Variants in WDPCP observed in about 807,000 individuals in gnomAD.
WDPCP encodes the protein WD repeat-containing and planar cell polarity effector protein fritz homolog.
In WDPCP, 71 loss-of-function variants were observed where a neutral mutation model predicts 93.1. That is an observed-to-expected ratio of 0.76 (90% confidence interval 0.63 to 0.93). WDPCP has a LOEUF of 0.93. WDPCP is among the 40% of genes least tolerant of loss of function. WDPCP has a pLI of 0.00. For synonymous variants in WDPCP, 315 were observed against 315.0 expected, an observed-to-expected ratio of 1.00 and a Z score of 0.00; for missense variants, 844 against 887.4, an observed-to-expected ratio of 0.95 and a Z score of 0.62.
chr2:63,463,055 T>C (rs1699123113), intron 6 of WDPCP, among the ~76,000 whole-genome samples: 1 of 151,384 alleles, frequency 6.6e-6, no homozygotes, highest in South Asian at 2.1e-4. Flanking sequence ...GGAGAGCAGA[T>C]GGTTCAGAAT....
intron 3 of WDPCP, among the ~76,000 whole-genome samples, chr2:63,635,805 A>G (rs915805907): frequency 9.9e-5 from 15 of 152,276 alleles, no homozygotes; most frequent in African/African-American, 3.6e-4. Flanking sequence ...AAGACAGACA[A>G]GGATGTCCTC....
chr2:63,485,533 C>T (rs574897879), intron 4 of WDPCP, among the ~76,000 whole-genome samples: 2 of 151,770 alleles, frequency 1.3e-5, no homozygotes, highest in East Asian at 1.9e-4. Flanking sequence ...ACAAATTAGG[C>T]CCTAATAGTG....
chr2:63,660,236 TGGGACTCAA>T (rs1710212220), intron 2 of WDPCP, among the ~76,000 whole-genome samples: 1 of 152,188 alleles, frequency 6.6e-6, no homozygotes, highest in Non-Finnish European at 1.5e-5. Context: ...ATTTCTAAGT[TGGGACTCAA>T]GGTCAAAGTC....
At chr2:63,308,277 G>A (rs556229722) in intron 13 of WDPCP, among the ~76,000 whole-genome samples, 34 of 152,262 alleles carry the variant, frequency 2.2e-4, no homozygotes, top group Non-Finnish European at 3.2e-4. Flanking sequence ...AAATAGAAAC[G>A]TTTTAACGCT....
chr2:63,175,519 C>A (rs1405557982), intron 14 of WDPCP, among the ~76,000 whole-genome samples: 1 of 152,120 alleles, frequency 6.6e-6, no homozygotes, highest in Non-Finnish European at 1.5e-5. Flanking sequence ...AGTGTATTCA[C>A]ATTGTTGTGA....
At chr2:63,775,238 A>G (rs1299768141) in intron 2 of WDPCP, among the ~76,000 whole-genome samples, 2 of 152,084 alleles carry the variant, frequency 1.3e-5, no homozygotes, top group Middle Eastern at 3.2e-3. Context: ...TCTTAAGTAC[A>G]CTCTTGCATC....
At chr2:63,532,024 G>C (rs1182307025) in intron 1 of WDPCP, among the ~76,000 whole-genome samples, 1 of 152,164 alleles carries the variant, frequency 6.6e-6, no homozygotes, top group East Asian at 1.9e-4. Context: ...TAAATGACCT[G>C]ATGGGGCTGA....
intron 10 of WDPCP, among the ~76,000 whole-genome samples, chr2:63,396,141 A>C (rs1693707422): frequency 6.6e-6 from 1 of 152,196 alleles, no homozygotes; most frequent in African/African-American, 2.4e-5. Context: ...GCCTGTCTAG[A>C]ATAAAAGTTC....
At position 63,453,837 on chromosome 2, in the gene WDPCP, C is replaced by T. The variant is rs552519804; in HGVS notation, c.385-13966G>A. ...GAAACCATCATTCTCAGCAAACTAT[C>T]GCAAGGACAAAAAACCAAACACTGC... On this transcript the variant is annotated intron_variant, in intron 6 of 17. Coordinates refer to ENST00000272321, the MANE Select transcript of WDPCP (RefSeq NM_015910.7). 6.0e-4 allele frequency among the ~76,000 whole-genome samples: 90 copies of T among 149,712 alleles called. No individual in the cohort carries two copies. The South Asian group carries it at 6.8e-3, about 11-fold the overall frequency.
chr2:63,714,765 G>T (rs943126980), intron 2 of WDPCP, among the ~76,000 whole-genome samples: 1 of 152,150 alleles, frequency 6.6e-6, no homozygotes, highest in Non-Finnish European at 1.5e-5. Flanking sequence ...GGAGGCAGAG[G>T]TTGCAGTGAG....
At chr2:63,405,873 C>T (rs1487861517) in intron 9 of WDPCP, among the ~76,000 whole-genome samples, 1 of 152,064 alleles carries the variant, frequency 6.6e-6, no homozygotes, top group Non-Finnish European at 1.5e-5. Flanking sequence ...TTTTATAGAA[C>T]TGTACATCCC....
At chr2:63,410,969 G>A (rs1694980174) in intron 9 of WDPCP, among the ~76,000 whole-genome samples, 4 of 152,154 alleles carry the variant, frequency 2.6e-5, no homozygotes, top group Non-Finnish European at 5.9e-5. Context: ...TCCACTAACA[G>A]CACTAGACAG....
intron 13 of WDPCP, among the ~76,000 whole-genome samples, chr2:63,273,769 G>C (rs1264725160): frequency 6.6e-6 from 1 of 151,844 alleles, no homozygotes; most frequent in African/African-American, 2.4e-5. Context: ...TTCAGCAAGA[G>C]GGTCTAACAA....
intron 12 of WDPCP, among the ~76,000 whole-genome samples, chr2:63,369,743 A>G (rs1186861441): frequency 6.6e-6 from 1 of 152,220 alleles, no homozygotes; most frequent in South Asian, 2.1e-4. Flanking sequence ...AGGTTATCAC[A>G]GCAATGCAAA....
At chr2:63,454,984 T>C (rs1698523685) in intron 6 of WDPCP, among the ~76,000 whole-genome samples, 1 of 152,070 alleles carries the variant, frequency 6.6e-6, no homozygotes, top group African/African-American at 2.4e-5. Context: ...AGAAATACTT[T>C]CACAGACAAG....
At chr2:63,771,313 TA>T (rs1400184708) in intron 2 of WDPCP, among the ~76,000 whole-genome samples, 1 of 151,812 alleles carries the variant, frequency 6.6e-6, no homozygotes, top group African/African-American at 2.4e-5. Flanking sequence ...GATAAATTCC[TA>T]ACAATATAAA....
At chr2:63,561,347 A>T (rs1212872480) in intron 1 of WDPCP, among the ~76,000 whole-genome samples, 1 of 152,046 alleles carries the variant, frequency 6.6e-6, no homozygotes, top group Non-Finnish European at 1.5e-5. Flanking sequence ...GCGTGGTGGC[A>T]CACACCCGTA....
intron 12 of WDPCP, among the ~76,000 whole-genome samples, chr2:63,375,517 T>C (rs1691775635): frequency 6.6e-6 from 1 of 151,950 alleles, no homozygotes. Context: ...AGCATTTCTT[T>C]ATGAAAATTG....
At chr2:63,836,679 C>A in the WDPCP span, among the ~76,000 whole-genome samples, 1 of 152,028 alleles carries the variant, frequency 6.6e-6, no homozygotes, top group South Asian at 2.1e-4. Context: ...ATCAAAGGGG[C>A]GGACACAATT....
Sources: allele counts gnomAD v4.1 joint callset (sites outside exome capture counted in the v4.1 genomes callset), GRCh38; gene constraint gnomAD v4.1.1; transcripts MANE v1.5; gene names NCBI Gene and HGNC (gene_info 2026-07-23, HGNC 2026-07-21).